Variants in AGT observed in about 807,000 individuals in gnomAD.
AGT encodes the protein alpha-1 antiproteinase, antitrypsin.
In AGT, 26 loss-of-function variants were observed where a neutral mutation model predicts 28.1. That is an observed-to-expected ratio of 0.92 (90% CI 0.68 to 1.28). The LOEUF (loss-of-function observed/expected upper bound fraction) is 1.28, where lower values mean the gene tolerates loss of function less well. Among genes scored for constraint, AGT ranks in the 50% most tolerant of loss-of-function variants. The pLI is 0.00. For synonymous variants in AGT, 259 were observed against 259.6 expected (o/e 1.00, Z 0.02); for missense variants, 596 against 592.3 (o/e 1.01, Z -0.06).
Position 230,703,238 on chromosome 1 carries a change from A to T in AGT, c.1334T>A (p.Val445Glu). ...QQLNKPEVLEVTLNRPFLFAV... is the reference protein window; with the variant it reads ...QQLNKPEVLEETLNRPFLFAV... ...AAACAGGAATGGGCGGTTCAGGGTCACCTCCAAGACCTCAGGCTTGTTAAG... is the reference window on the plus strand; with the variant it reads ...AAACAGGAATGGGCGGTTCAGGGTCTCCTCCAAGACCTCAGGCTTGTTAAG... The change falls in exon 5 of 5, where the codon GTG becomes GAG. Residue 445 changes from valine (V) to glutamate (E), a missense_variant. Transcript: ENST00000366667. The T allele has an allele frequency of 6.2e-7, 1 of 1,614,052 alleles. No homozygotes were observed. Among genetic ancestry groups the T allele is most frequent in the Non-Finnish European group, 8.5e-7 (1 of 1,180,018 alleles).
intron 1 of AGT, among the ~76,000 whole-genome samples, chr1:230,737,131 G>A (rs1219413702): frequency 6.6e-6 from 1 of 151,938 alleles, no homozygotes; most frequent in Non-Finnish European, 1.5e-5. Context: ...TCCATGCCTG[G>A]TTCTTAGCTT....
At chr1:230,740,400 C>T (rs1664226996) in intron 1 of AGT, among the ~76,000 whole-genome samples, 1 of 152,140 alleles carries the variant, frequency 6.6e-6, no homozygotes, top group South Asian at 2.1e-4. Flanking sequence ...GGGAAAGCAG[C>T]CAGGAGGTCT....
intron 1 of AGT, among the ~76,000 whole-genome samples, chr1:230,733,884 T>A (rs1358860013): frequency 1.3e-5 from 2 of 151,992 alleles, no homozygotes; most frequent in East Asian, 3.9e-4. Flanking sequence ...GACCATTTCA[T>A]GTTCTTGTTC....
intron 1 of AGT, among the ~76,000 whole-genome samples, chr1:230,740,057 T>C (rs539680443): frequency 2.6e-5 from 4 of 152,202 alleles, no homozygotes; most frequent in Non-Finnish European, 4.4e-5. Context: ...GGATTATTCA[T>C]GAGTTTACCA....
chr1:230,705,175 G>A (rs1241629511), intron 3 of AGT, among the ~76,000 whole-genome samples: 1 of 152,156 alleles, frequency 6.6e-6, no homozygotes. Context: ...ATGGACGGGG[G>A]TGATGGCTGC....
chr1:230,704,164 G>A, intron 4 of AGT, 29 bp downstream of exon 4: 1 of 1,614,182 alleles, frequency 6.2e-7, no homozygotes, highest in Non-Finnish European at 8.5e-7. Context: ...TGGAACCCAG[G>A]TCAGGCACAG....
At chr1:230,723,000 A>T (rs944803472) in intron 1 of AGT, among the ~76,000 whole-genome samples, 1 of 151,898 alleles carries the variant, frequency 6.6e-6, no homozygotes, top group African/African-American at 2.4e-5. Context: ...TCGAATTGTA[A>T]TCCCCACCTG....
chr1:230,711,563 G>A (rs1663591761), intron 1 of AGT, among the ~76,000 whole-genome samples: 1 of 152,122 alleles, frequency 6.6e-6, no homozygotes, highest in Non-Finnish European at 1.5e-5. Context: ...AGACCCCTGA[G>A]ATGCTCATTC....
chr1:230,720,205 C>T (rs1346128160), intron 1 of AGT, among the ~76,000 whole-genome samples: 2 of 152,148 alleles, frequency 1.3e-5, no homozygotes, highest in Non-Finnish European at 2.9e-5. Context: ...TCACTGTGTG[C>T]AAACTCCAGT....
At chr1:230,710,996 AATGG>A in intron 1 of AGT, 143 bp from the exon 2 acceptor site, 4 of 1,142,204 alleles carry the variant, frequency 3.5e-6, no homozygotes, top group Non-Finnish European at 4.9e-6. Flanking sequence ...AAAAAGAAGA[AATGG>A]ATTCAAAGCT....
At chr1:230,732,681 C>T (rs2493150) in intron 1 of AGT, among the ~76,000 whole-genome samples, 55,550 of 151,958 alleles carry the variant, frequency 0.37, 11,671 homozygotes, top group East Asian at 0.68. Flanking sequence ...TAAAATGTTA[C>T]TAAGAAAATC....
At chr1:230,723,670 C>G (rs1485144482) in intron 1 of AGT, among the ~76,000 whole-genome samples, 1 of 152,148 alleles carries the variant, frequency 6.6e-6, no homozygotes, top group Admixed American at 6.5e-5. Context: ...ATCTAATATG[C>G]TCCATCCATA....
At chr1:230,715,127 A>C (rs1224368039), upstream of AGT, among the ~76,000 whole-genome samples, 1 of 152,192 alleles carries the variant, frequency 6.6e-6, no homozygotes, top group Non-Finnish European at 1.5e-5. Flanking sequence ...AACATTTAAC[A>C]ACAAAGAGCA....
In AGT at chr1:230,710,488, G is replaced by A. The variant is rs747055984; in HGVS notation, c.336C>T (p.His112=). ...NFLGFRIYGM[H]SELWGVVHGA... ...CATGGACCACGCCCCATAGCTCACTGTGCATGCCATATATACGGAAGCCCA... is the reference window on the plus strand; with the variant it reads ...CATGGACCACGCCCCATAGCTCACTATGCATGCCATATATACGGAAGCCCA... The change falls in exon 2 of 5, where the codon CAC becomes CAT. Residue 112 remains histidine, a synonymous_variant. Transcript: ENST00000366667. 13 of 1,614,102 alleles carry A rather than the reference G, an allele frequency of 8.1e-6. No individual in the cohort carries two copies. The highest frequency in any genetic ancestry group is 1.1e-5 in the Non-Finnish European group (13 of 1,180,054).
chr1:230,731,939 C>T (rs1406604777), intron 1 of AGT, among the ~76,000 whole-genome samples: 1 of 152,038 alleles, frequency 6.6e-6, no homozygotes, highest in Non-Finnish European at 1.5e-5. Context: ...ACAAATCTTG[C>T]TGTTCCCTCT....
intron 3 of AGT, among the ~76,000 whole-genome samples, chr1:230,705,441 C>T (rs1056321814): frequency 2.6e-5 from 4 of 152,158 alleles, no homozygotes; most frequent in Non-Finnish European, 5.9e-5. Context: ...GCTAACAACA[C>T]CTATCCCCAC....
At chr1:230,708,017 A>T (rs1663445008) in intron 2 of AGT, among the ~76,000 whole-genome samples, 1 of 152,144 alleles carries the variant, frequency 6.6e-6, no homozygotes, top group South Asian at 2.1e-4. Flanking sequence ...GGTCATGTAA[A>T]TAGAACATCA....
At chr1:230,743,859 A>G (rs1664292819) in intron 1 of AGT, among the ~76,000 whole-genome samples, 1 of 152,240 alleles carries the variant, frequency 6.6e-6, no homozygotes, top group Admixed American at 6.5e-5. Context: ...AACAAGAAGA[A>G]GAGAAACAAA....
chr1:230,737,964 T>C (rs1664184715), intron 1 of AGT, among the ~76,000 whole-genome samples: 1 of 152,168 alleles, frequency 6.6e-6, no homozygotes, highest in African/African-American at 2.4e-5. Flanking sequence ...CTGTTGTCCT[T>C]TGTGACTTGC....
Sources: gnomAD v4.1 joint callset for allele counts (sites outside exome capture counted in the v4.1 genomes callset) on GRCh38, gnomAD v4.1.1 for gene constraint, MANE v1.5 for transcripts, NCBI Gene and HGNC (gene_info 2026-07-23, HGNC 2026-07-21) for gene names.